Variants in MAP3K15 observed in about 807,000 individuals in gnomAD.
MAP3K15 encodes the protein MAPK/ERK kinase kinase 15.
MAP3K15 carries 124 observed loss-of-function variants against 99.5 expected under a neutral mutation model. That is an observed-to-expected ratio of 1.25 (90% confidence interval 1.08 to 1.45). The LOEUF is 1.45. Ranked by LOEUF, MAP3K15 falls within the 40% of genes most tolerant of loss-of-function variation. The probability of loss-of-function intolerance (pLI) is 0.00; values close to 1 mark genes in which losing one functional copy is unlikely to be tolerated. For synonymous variants in MAP3K15, 494 were observed against 439.6 expected, an observed-to-expected ratio of 1.12 and a Z score of -1.55; for missense variants, 1,242 against 1,079.7, an observed-to-expected ratio of 1.15 and a Z score of -2.11.
chrX:19,449,768 G>A (rs1423046868), intron 6 of MAP3K15, among the ~76,000 whole-genome samples: 3 of 109,686 alleles, frequency 2.7e-5, no homozygotes, highest in African/African-American at 9.8e-5. Context: ...CAGAGGGCCA[G>A]AGACTTATTA....
intron 3 of MAP3K15, among the ~76,000 whole-genome samples, chrX:19,470,425 T>C (rs992885058): frequency 9.1e-5 from 10 of 109,658 alleles, no homozygotes; most frequent in African/African-American, 3.3e-4. Context: ...CAGGGAGGGA[T>C]AGCATTAGGT....
intron 6 of MAP3K15, among the ~76,000 whole-genome samples, chrX:19,447,174 G>A (rs1016674662): frequency 1.1e-4 from 12 of 111,422 alleles, no homozygotes; most frequent in Admixed American, 1.9e-4. Context: ...GATTACAGGT[G>A]CAAGCCACTG....
intron 25 of MAP3K15, among the ~76,000 whole-genome samples, chrX:19,367,879 G>T (rs2063347189): frequency 9.5e-6 from 1 of 104,960 alleles, no homozygotes; most frequent in African/African-American, 3.5e-5. Context: ...CTCCTGAGTA[G>T]CTGGGATTAC....
chrX:19,371,474 C>T lies in MAP3K15; in HGVS notation c.3165G>A (p.Leu1055=). The T allele has an allele frequency of 3.3e-6, 4 of 1,210,635 alleles. No individual in the cohort carries two copies. The highest frequency in any genetic ancestry group is 4.5e-6 in the Non-Finnish European group (4 of 894,590). The change falls in exon 23 of 29, where the codon CTG becomes CTA. Residue 1055 remains leucine (L), a synonymous_variant. Transcript: ENST00000338883. ...VGHIKQIIGI[L]RDFIRSPEHR... ...GCTCTGGGGAGCGGATGAAGTCCCT[C>T]AGGATCCCAATGATTTGCTTGATGT... is the stretch of plus-strand genomic sequence containing the variant.
intron 3 of MAP3K15, chrX:19,482,409 G>A (rs2064297425): frequency 9.0e-6 from 1 of 111,543 alleles, no homozygotes; most frequent in Admixed American, 9.5e-5. Context: ...GTAATAAAAA[G>A]GAAAGAACTA....
chrX:19,371,075 A>T lies in MAP3K15; in HGVS notation c.3295-11T>A, dbSNP rs2063371556. ...CAAAATTTTATTTACCTAAAAAAAAAAAAAATAATAAAATAAACTAAAATC... is the reference window on the plus strand; with the variant it reads ...CAAAATTTTATTTACCTAAAAAAAATAAAAATAATAAAATAAACTAAAATC... On this transcript the variant is annotated splice_polypyrimidine_tract_variant and intron_variant, in intron 23 of 28. Coordinates refer to ENST00000338883, the MANE Select transcript of MAP3K15 (RefSeq NM_001001671.4). 4.6e-6 allele frequency: 5 copies of T among 1,079,457 alleles called. No individual in the cohort carries two copies. Among genetic ancestry groups the T allele is most frequent in the Non-Finnish European group, 6.1e-6 (5 of 814,209 alleles). 89.0% of individuals were successfully genotyped at this position (1,079,457 alleles called of 1,213,427 possible).
In MAP3K15 at chrX:19,380,188, T is replaced by C. The variant is rs142230993; in HGVS notation, c.2521A>G (p.Ile841Val). Reference sequence around the variant, plus strand: ...GGCTTGCTGGTGGCCATCTCAATGATGGTGCAGCCCAGGGACCAGATATCG... The same window carrying C: ...GGCTTGCTGGTGGCCATCTCAATGACGGTGCAGCCCAGGGACCAGATATCG... ...PADIWSLGCT[I>V]IEMATSKPPF... is the part of the protein sequence containing the mutation. Residue 841 changes from isoleucine to valine, a missense_variant, in exon 19 of 29, where the codon ATC (isoleucine) becomes GTC (valine). Ile to Val is a conservative substitution (Grantham distance 29). Coordinates refer to ENST00000338883, the MANE Select transcript of MAP3K15 (RefSeq NM_001001671.4). 1.7e-6 allele frequency: 2 copies of C among 1,204,149 alleles called. No individual in the cohort carries two copies. Among genetic ancestry groups the C allele is most frequent in the African/African-American group, 3.5e-5 (2 of 56,915 alleles).
intron 1 of MAP3K15, among the ~76,000 whole-genome samples, chrX:19,513,328 T>G (rs2064534247): frequency 8.9e-6 from 1 of 112,267 alleles, no homozygotes; most frequent in South Asian, 3.7e-4. Context: ...GAGAGTGTTG[T>G]GCCTCATGGC....
intron 1 of MAP3K15, among the ~76,000 whole-genome samples, chrX:19,508,274 C>A (rs770948355): frequency 9.0e-6 from 1 of 111,280 alleles, no homozygotes; most frequent in Non-Finnish European, 1.9e-5. Flanking sequence ...TGGGCTCAAG[C>A]GATTCTCCTG....
chrX:19,439,612 G>GTA (rs1241107142), intron 6 of MAP3K15, among the ~76,000 whole-genome samples: 1 of 110,874 alleles, frequency 9.0e-6, no homozygotes, highest in Non-Finnish European at 1.9e-5. Context: ...GACTATAGGC[G>GTA]TACACCACCA....
chrX:19,447,883 CAAAAAAA>C (rs753152404), intron 6 of MAP3K15, among the ~76,000 whole-genome samples: 1 of 25,967 alleles, frequency 3.9e-5, no homozygotes, highest in African/African-American at 1.2e-4. Flanking sequence ...GACTCCGTCT[CAAAAAAA>C]AAAAAAAAAA....
At chrX:19,373,491 A>G in intron 21 of MAP3K15, 45 bp downstream of exon 21, 2 of 1,159,265 alleles carry the variant, frequency 1.7e-6, no homozygotes, top group Non-Finnish European at 2.3e-6. Flanking sequence ...GAGGACTACC[A>G]GCACCCTTTC....
intron 6 of MAP3K15, among the ~76,000 whole-genome samples, chrX:19,454,513 G>T (rs1437660925): frequency 8.9e-6 from 1 of 111,737 alleles, no homozygotes; most frequent in Admixed American, 9.5e-5. Context: ...GGAGTGGAAG[G>T]TATCAGGGAA....
intron 2 of MAP3K15, 97 bp from the exon 3 acceptor site, chrX:19,486,602 T>C (rs2064327684): frequency 2.7e-6 from 1 of 370,018 alleles, no homozygotes; most frequent in Non-Finnish European, 4.4e-6. Flanking sequence ...AAATTAATCA[T>C]GTAAGAATTA....
chrX:19,400,519 T>A (rs1211124038), intron 14 of MAP3K15, 57 bp downstream of exon 14: 1 of 888,118 alleles, frequency 1.1e-6, no homozygotes, highest in Non-Finnish European at 1.6e-6. Flanking sequence ...GGACATTTTC[T>A]TGAAGCATCG....
At chrX:19,495,308 A>G (rs1039854501) in intron 1 of MAP3K15, among the ~76,000 whole-genome samples, 1 of 112,044 alleles carries the variant, frequency 8.9e-6, no homozygotes, top group African/African-American at 3.2e-5. Context: ...CACCGCACCC[A>G]GCTTGAAGTG....
intron 6 of MAP3K15, among the ~76,000 whole-genome samples, chrX:19,432,312 C>A (rs952426845): frequency 1.8e-5 from 2 of 110,858 alleles, no homozygotes; most frequent in Non-Finnish European, 3.8e-5. Flanking sequence ...ACCTGTAATC[C>A]CAGCACTTTG....
chrX:19,377,999 C>T (rs757595100), intron 19 of MAP3K15, among the ~76,000 whole-genome samples: 1 of 112,249 alleles, frequency 8.9e-6, no homozygotes, highest in South Asian at 3.7e-4. Flanking sequence ...CTGGAGAGAG[C>T]AGCCAAGGCA....
At chrX:19,487,816 T>C (rs1326503059) in intron 2 of MAP3K15, among the ~76,000 whole-genome samples, 1 of 111,692 alleles carries the variant, frequency 9.0e-6, no homozygotes, top group Non-Finnish European at 1.9e-5. Context: ...TGGCATAAAA[T>C]TGTACTACTA....
Sources: allele counts gnomAD v4.1 joint callset (sites outside exome capture counted in the v4.1 genomes callset), GRCh38; gene constraint gnomAD v4.1.1; transcripts MANE v1.5; gene names NCBI Gene and HGNC (gene_info 2026-07-23, HGNC 2026-07-21).